The following TANK variants were observed in gnomAD, a reference collection of about 807,000 sequenced individuals.
TANK encodes TRAF family member associated NFKB activator.
TANK carries 15 observed loss-of-function variants against 43.6 expected under a neutral mutation model. The ratio of observed to expected loss-of-function variants is 0.34; its 90% CI spans 0.23 to 0.53. The LOEUF is 0.53. Among genes scored for constraint, TANK ranks in the 20% least tolerant of loss-of-function variants. The probability of loss-of-function intolerance (pLI) is 0.94; values close to 1 mark genes in which losing one functional copy is unlikely to be tolerated. For missense variants in TANK, 417 were observed against 498.6 expected (o/e 0.84, Z 1.56); for synonymous variants, 162 against 178.2 (o/e 0.91, Z 0.73).
intron 1 of TANK, among the ~76,000 whole-genome samples, chr2:161,167,509 TGG>T (rs1462326173): frequency 2.0e-5 from 3 of 152,174 alleles, no homozygotes; most frequent in Non-Finnish European, 4.4e-5. Context: ...AAAATTAATA[TGG>T]GGAATTTATT....
At chr2:161,199,438 A>G (rs1686305721) in intron 2 of TANK, among the ~76,000 whole-genome samples, 3 of 152,010 alleles carry the variant, frequency 2.0e-5, no homozygotes, top group Non-Finnish European at 4.4e-5. Context: ...GCCTTGGAAA[A>G]TACAAAAAAA....
intron 4 of TANK, chr2:161,223,624 A>G (rs1687464591): frequency 4.7e-6 from 1 of 211,138 alleles, no homozygotes. Context: ...AATTTTGATC[A>G]ATAGTTGAAT....
At chr2:161,183,154 T>C (rs1427756496) in intron 2 of TANK, among the ~76,000 whole-genome samples, 1 of 152,200 alleles carries the variant, frequency 6.6e-6, no homozygotes, top group Non-Finnish European at 1.5e-5. Flanking sequence ...AAACTAGCTG[T>C]CATTCATAAC....
intron 1 of TANK, among the ~76,000 whole-genome samples, chr2:161,178,542 T>A (rs550890070): frequency 1.6e-3 from 249 of 151,778 alleles, no homozygotes; most frequent in African/African-American, 5.6e-3. Context: ...GTATGGACTG[T>A]TTTAGGGAGG....
chr2:161,234,989 A>G (rs552437677), intron 7 of TANK, among the ~76,000 whole-genome samples: 1 of 152,376 alleles, frequency 6.6e-6, no homozygotes, highest in South Asian at 2.1e-4. Context: ...TGTAAAAAAC[A>G]AAAGATAGAA....
intron 4 of TANK, chr2:161,222,783 T>G (rs886136798): frequency 2.0e-5 from 3 of 152,026 alleles, no homozygotes; most frequent in African/African-American, 7.2e-5. Flanking sequence ...AATCACAAAT[T>G]GTTTGTATTG....
rs1228935058 is a variant in TANK, at chr2:161,179,774, G to C, written c.99+13G>C. ...ATTACAGCAAAAGGTGTGTGGTTCT[G>C]GTTTTGAAAGTTATTCTTTATCTTG... On this transcript the variant is annotated intron_variant, in intron 2 of 7. Coordinates refer to ENST00000392749, the MANE Select transcript of TANK (RefSeq NM_001199135.3). 1 of 1,600,916 alleles carries C rather than the reference G, an allele frequency of 6.2e-7. No homozygotes were observed. Among genetic ancestry groups the C allele is most frequent in the East Asian group, 2.3e-5 (1 of 44,396 alleles).
At chr2:161,192,471 T>G (rs895343347) in intron 2 of TANK, among the ~76,000 whole-genome samples, 2 of 152,332 alleles carry the variant, frequency 1.3e-5, no homozygotes, top group East Asian at 3.9e-4. Flanking sequence ...TTTTTCTCTT[T>G]TAGTTCTAGA....
At chr2:161,179,931 T>C in intron 2 of TANK, 170 bp downstream of exon 2, 1 of 1,277,716 alleles carries the variant, frequency 7.8e-7, no homozygotes, top group South Asian at 2.8e-5. Context: ...TGTTGTTTTT[T>C]TTAAAAATAT....
chr2:161,218,578 C>A (rs960742431), intron 4 of TANK, among the ~76,000 whole-genome samples: 3 of 152,186 alleles, frequency 2.0e-5, no homozygotes, highest in African/African-American at 7.2e-5. Context: ...CCTGTAGTCC[C>A]AGCTACTTCA....
At chr2:161,140,057 TTAGTC>T in intron 1 of TANK, 1 of 430,186 alleles carries the variant, frequency 2.3e-6, no homozygotes, top group Non-Finnish European at 3.1e-6. Context: ...TCTGTAAAAA[TTAGTC>T]TATATTTTTA....
At chr2:161,142,768 T>C (rs1683788916) in intron 1 of TANK, among the ~76,000 whole-genome samples, 1 of 152,154 alleles carries the variant, frequency 6.6e-6, no homozygotes, top group Non-Finnish European at 1.5e-5. Context: ...TGCCTCCAGG[T>C]TGTTCTTTTT....
intron 2 of TANK, among the ~76,000 whole-genome samples, chr2:161,190,100 T>G (rs1025236819): frequency 1.3e-5 from 2 of 152,156 alleles, no homozygotes; most frequent in Non-Finnish European, 2.9e-5. Flanking sequence ...AATTGATATC[T>G]AGAATATATA....
chr2:161,176,350 C>G (rs1685173538), intron 1 of TANK, among the ~76,000 whole-genome samples: 1 of 152,090 alleles, frequency 6.6e-6, no homozygotes, highest in African/African-American at 2.4e-5. Context: ...TAATTATCTT[C>G]TTGGTTGTGA....
chr2:161,176,325 T>C (rs889917), intron 1 of TANK, among the ~76,000 whole-genome samples: 152,281 of 152,284 alleles, frequency 1, 76,139 homozygotes, highest in Middle Eastern at 1. Context: ...TGGTCAGTGT[T>C]GCTGATCTAA....
At chr2:161,220,714 A>G (rs1687304316) in intron 4 of TANK, among the ~76,000 whole-genome samples, 1 of 152,206 alleles carries the variant, frequency 6.6e-6, no homozygotes, top group East Asian at 1.9e-4. Context: ...TCTTTTCTGT[A>G]TCTTTCCAAT....
upstream of TANK, chr2:161,156,367 G>C: frequency 2.0e-6 from 2 of 985,250 alleles, no homozygotes; most frequent in Non-Finnish European, 2.4e-6. Flanking sequence ...TCCAACTTTG[G>C]TTTTATTTCA....
chr2:161,225,653 T>C (rs1687577141), intron 6 of TANK, among the ~76,000 whole-genome samples: 1 of 152,292 alleles, frequency 6.6e-6, no homozygotes, highest in South Asian at 2.1e-4. Context: ...CCTTTACCTT[T>C]GTGATTTGAG....
chr2:161,210,391 A>C (rs997060836), intron 4 of TANK, among the ~76,000 whole-genome samples: 1 of 152,258 alleles, frequency 6.6e-6, no homozygotes, highest in Non-Finnish European at 1.5e-5. Context: ...CAATAGCAAT[A>C]GTATTGTAAT....
Sources: gnomAD v4.1 joint callset for allele counts (sites outside exome capture counted in the v4.1 genomes callset) on GRCh38, gnomAD v4.1.1 for gene constraint, MANE v1.5 for transcripts, NCBI Gene and HGNC (gene_info 2026-07-23, HGNC 2026-07-21) for gene names.